The following HS6ST2 variants were observed in gnomAD, a reference collection of about 807,000 sequenced individuals.
HS6ST2 encodes the protein heparan sulfate 6-O-sulfotransferase 2.
HS6ST2 carries 17 observed loss-of-function variants against 33.0 expected under a neutral mutation model. The observed-to-expected ratio is 0.52, with a 90% CI of 0.35 to 0.77. The LOEUF is 0.77. Among genes scored for constraint, HS6ST2 ranks in the 30% least tolerant of loss-of-function variants. HS6ST2 has a pLI of 0.01. For synonymous variants in HS6ST2, 248 were observed against 237.1 expected (o/e 1.05, Z -0.42); for missense variants, 519 against 551.7 (o/e 0.94, Z 0.59).
intron 2 of HS6ST2, among the ~76,000 whole-genome samples, chrX:132,862,299 T>C (rs2065920233): frequency 8.9e-6 from 1 of 111,973 alleles, no homozygotes; most frequent in African/African-American, 3.2e-5. Flanking sequence ...ATTGTATAAT[T>C]ATCAGTTTTA....
intron 2 of HS6ST2, among the ~76,000 whole-genome samples, chrX:132,881,713 G>A (rs1364799304): frequency 3.6e-5 from 4 of 111,311 alleles, no homozygotes; most frequent in Non-Finnish European, 5.7e-5. Flanking sequence ...CTTATGTCCT[G>A]AATGGTATTG....
chrX:132,860,777 CTTTTTTTTTTTTTTTTTT>C (rs58059164), intron 2 of HS6ST2, among the ~76,000 whole-genome samples: 2 of 52,896 alleles, frequency 3.8e-5, no homozygotes, highest in East Asian at 5.3e-4. Context: ...GCATGTGTAT[CTTTTTTTTTTTTTTTTTT>C]TTTTTTTTTG....
chrX:132,860,607 T>A (rs1164793389), intron 2 of HS6ST2, among the ~76,000 whole-genome samples: 1 of 111,392 alleles, frequency 9.0e-6, no homozygotes, highest in Non-Finnish European at 1.9e-5. Context: ...GAAACAATGC[T>A]TTATGAATAT....
chrX:132,886,582 A>T (rs2066254909), intron 2 of HS6ST2, among the ~76,000 whole-genome samples: 1 of 111,101 alleles, frequency 9.0e-6, no homozygotes, highest in African/African-American at 3.3e-5. Context: ...CAAAAAGATC[A>T]AAGAATCCCA....
At chrX:132,770,241 A>G (rs1311529991) in intron 2 of HS6ST2, among the ~76,000 whole-genome samples, 1 of 111,659 alleles carries the variant, frequency 9.0e-6, no homozygotes, top group African/African-American at 3.3e-5. Context: ...CAGAGACATC[A>G]GGTAACCTCT....
At chrX:132,850,149 T>C (rs1050295779) in intron 2 of HS6ST2, among the ~76,000 whole-genome samples, 1 of 112,400 alleles carries the variant, frequency 8.9e-6, no homozygotes, top group Non-Finnish European at 1.9e-5. Context: ...ATACATTGTA[T>C]GGTTTTATAA....
chrX:132,949,361 A>G (rs1479966307), intron 2 of HS6ST2, among the ~76,000 whole-genome samples: 3 of 110,309 alleles, frequency 2.7e-5, no homozygotes, highest in Non-Finnish European at 5.7e-5. Flanking sequence ...CCTGTTCCAT[A>G]TAATTTATAA....
At chrX:132,710,009 C>T (rs760675880) in intron 2 of HS6ST2, among the ~76,000 whole-genome samples, 101 of 111,649 alleles carry the variant, frequency 9.0e-4, no homozygotes, top group Non-Finnish European at 1.6e-3. Context: ...TATATGGGAA[C>T]GGGATCAAAT....
At chrX:132,691,974 C>T (rs2064068402) in intron 3 of HS6ST2, among the ~76,000 whole-genome samples, 1 of 111,966 alleles carries the variant, frequency 8.9e-6, no homozygotes, top group Admixed American at 9.5e-5. Flanking sequence ...TGGCTAAAAC[C>T]CATCGGGTGA....
intron 2 of HS6ST2, among the ~76,000 whole-genome samples, chrX:132,886,284 A>G (rs1166923152): frequency 8.9e-6 from 1 of 112,029 alleles, no homozygotes; most frequent in Non-Finnish European, 1.9e-5. Flanking sequence ...GAACTGGAAA[A>G]TTGGAGAAAG....
At chrX:132,956,744 C>A (rs1407924636) in intron 2 of HS6ST2, 64 bp downstream of exon 2, 6 of 1,091,876 alleles carry the variant, frequency 5.5e-6, no homozygotes, top group Non-Finnish European at 7.2e-6. Flanking sequence ...CTTGGGCCAG[C>A]CGCGCCTCCC....
intron 2 of HS6ST2, among the ~76,000 whole-genome samples, chrX:132,735,703 C>A (rs1038837339): frequency 8.9e-6 from 1 of 111,921 alleles, no homozygotes; most frequent in Non-Finnish European, 1.9e-5. Context: ...GGCCCGAGGA[C>A]GCCACAGAGA....
intron 2 of HS6ST2, among the ~76,000 whole-genome samples, chrX:132,849,706 T>C (rs193160068): frequency 1.7e-4 from 19 of 112,041 alleles, no homozygotes; most frequent in Non-Finnish European, 2.1e-4. Context: ...ACGAACCTCC[T>C]ATCAACCAAA....
intron 2 of HS6ST2, among the ~76,000 whole-genome samples, chrX:132,888,517 A>G (rs997816057): frequency 1.8e-5 from 2 of 111,845 alleles, no homozygotes; most frequent in Non-Finnish European, 3.8e-5. Context: ...GGACACAGCC[A>G]AACCATATCA....
At chrX:132,952,831 C>A (rs750247050) in intron 2 of HS6ST2, among the ~76,000 whole-genome samples, 4 of 111,229 alleles carry the variant, frequency 3.6e-5, no homozygotes, top group Admixed American at 9.5e-5. Context: ...ACAAGACCTA[C>A]CCCTGGTGAA....
chrX:132,808,300 A>G (rs905029810), intron 2 of HS6ST2, among the ~76,000 whole-genome samples: 1 of 112,122 alleles, frequency 8.9e-6, no homozygotes, highest in African/African-American at 3.2e-5. Context: ...ATAGGGAAAA[A>G]GTGTCCAATT....
chrX:132,850,049 C>A (rs2065787624), intron 2 of HS6ST2, among the ~76,000 whole-genome samples: 2 of 112,223 alleles, frequency 1.8e-5, no homozygotes, highest in African/African-American at 6.5e-5. Flanking sequence ...ACTAACAGCA[C>A]CTCCTCATTT....
At chrX:132,748,537 C>T (rs1460588121) in intron 2 of HS6ST2, among the ~76,000 whole-genome samples, 1 of 111,978 alleles carries the variant, frequency 8.9e-6, no homozygotes, top group Admixed American at 9.4e-5. Flanking sequence ...TGGCCATCTA[C>T]GAATGCTGAC....
chrX:132,679,552 G>A (rs1449579421), intron 3 of HS6ST2, among the ~76,000 whole-genome samples: 3 of 111,340 alleles, frequency 2.7e-5, no homozygotes, highest in Non-Finnish European at 5.7e-5. Flanking sequence ...ACAGGACTGG[G>A]GCGAAATTAA....
Sources: allele counts gnomAD v4.1 joint callset (sites outside exome capture counted in the v4.1 genomes callset), GRCh38; gene constraint gnomAD v4.1.1; transcripts MANE v1.5; gene names NCBI Gene and HGNC (gene_info 2026-07-23, HGNC 2026-07-21).